Variants in CSNK1G1 observed in about 807,000 individuals in gnomAD.
The protein encoded by CSNK1G1 is casein kinase 1 gamma 1, also known as casein kinase I isoform gamma-1.
CSNK1G1 carries 22 observed loss-of-function variants against 59.6 expected under a neutral mutation model. The observed-to-expected ratio is 0.37, with a 90% CI of 0.26 to 0.53. The LOEUF (loss-of-function observed/expected upper bound fraction) is 0.53, where lower values mean the gene tolerates loss of function less well. Ranked by LOEUF, CSNK1G1 falls within the 20% of genes least tolerant of loss-of-function variation. CSNK1G1 has a pLI of 0.89. For missense variants in CSNK1G1, 384 were observed against 519.5 expected (o/e 0.74, Z 2.54); for synonymous variants, 179 against 177.1 (o/e 1.01, Z -0.08).
intron 1 of CSNK1G1, among the ~76,000 whole-genome samples, chr15:64,336,050 T>G (rs779168068): frequency 6.6e-6 from 1 of 152,216 alleles, no homozygotes; most frequent in Non-Finnish European, 1.5e-5. Flanking sequence ...TATATCCATC[T>G]ATCGATTTAT....
intron 1 of CSNK1G1, among the ~76,000 whole-genome samples, chr15:64,311,922 GA>G (rs1199700609): frequency 1.3e-5 from 2 of 152,018 alleles, no homozygotes; most frequent in Non-Finnish European, 2.9e-5. Flanking sequence ...AAAGTCTCAG[GA>G]TACAAAGTCA....
chr15:64,201,741 TG>T (rs879279062), intron 10 of CSNK1G1, among the ~76,000 whole-genome samples: 6,052 of 148,584 alleles, frequency 0.041, 342 homozygotes, highest in African/African-American at 0.14. Flanking sequence ...TGTGTGTGTG[TG>T]TGTGTGTGTT....
At chr15:64,258,257 T>C (rs1596172013) in intron 3 of CSNK1G1, among the ~76,000 whole-genome samples, 1 of 152,048 alleles carries the variant, frequency 6.6e-6, no homozygotes, top group Non-Finnish European at 1.5e-5. Context: ...ATGTAGTCTG[T>C]AGTCCCACCT....
chr15:64,229,939 T>TTTTTTTA lies in CSNK1G1; in HGVS notation c.293-13227_293-13226insTAAAAAA, dbSNP rs768405168. 4.9e-5 allele frequency among the ~76,000 whole-genome samples: 6 copies of TTTTTTTA among 121,502 alleles called. 1 individual carries two copies. Among genetic ancestry groups the TTTTTTTA allele is most frequent in the Admixed American group, 1.8e-4 (2 of 11,348 alleles). The allele number at this position is 121,502 out of a possible 152,430, so 79.7% of individuals were successfully genotyped here. On this transcript the variant is annotated intron_variant, in intron 4 of 11. Transcript: ENST00000303052. Reference sequence around the variant, plus strand: ...TTTTTTTTTTTTTTTTTTTTTTTTTTAAGACAGAATCTCACTCTGTCGCCC... The same window carrying TTTTTTTA: ...TTTTTTTTTTTTTTTTTTTTTTTTTTTTTTTTAAAGACAGAATCTCACTCTGTCGCCC...
chr15:64,229,391 C>T (rs1352422185), intron 4 of CSNK1G1, among the ~76,000 whole-genome samples: 1 of 152,222 alleles, frequency 6.6e-6, no homozygotes. Flanking sequence ...AGCCCAATTA[C>T]TCAGAATACT....
intron 4 of CSNK1G1, among the ~76,000 whole-genome samples, chr15:64,248,399 G>C (rs534612981): frequency 6.6e-6 from 1 of 151,962 alleles, no homozygotes; most frequent in South Asian, 2.1e-4. Context: ...ATCTAAAAAG[G>C]CAAGCTTATT....
chr15:64,213,186 G>C lies in CSNK1G1; in HGVS notation c.679+704C>G, dbSNP rs367837661. ...CACCTAGGAGTCTTTTCTTCAAATAGAATCTTCCATGGAAGCCCAATATAT... is the reference window on the plus strand; with the variant it reads ...CACCTAGGAGTCTTTTCTTCAAATACAATCTTCCATGGAAGCCCAATATAT... On this transcript the variant is annotated intron_variant, in intron 6 of 11. Transcript: ENST00000303052. Among the ~76,000 whole-genome samples, 55 of 151,852 alleles carry C rather than the reference G, an allele frequency of 3.6e-4. No individual in the cohort carries two copies. The East Asian group carries it at 0.011, about 29-fold the overall frequency.
At chr15:64,349,444 G>A (rs533814355) in intron 1 of CSNK1G1, among the ~76,000 whole-genome samples, 1 of 152,230 alleles carries the variant, frequency 6.6e-6, no homozygotes, top group Non-Finnish European at 1.5e-5. Context: ...AATGTGATGG[G>A]TGAGAAATTA....
At chr15:64,227,172 G>T (rs1001351772) in intron 4 of CSNK1G1, among the ~76,000 whole-genome samples, 1 of 152,202 alleles carries the variant, frequency 6.6e-6, no homozygotes, top group African/African-American at 2.4e-5. Flanking sequence ...AATACATACA[G>T]AGCAAAGCAA....
chr15:64,206,790 A>C (rs2082188269), intron 7 of CSNK1G1, among the ~76,000 whole-genome samples: 1 of 152,178 alleles, frequency 6.6e-6, no homozygotes, highest in Admixed American at 6.5e-5. Flanking sequence ...CACATTTTGC[A>C]ATGAATAGAT....
At chr15:64,256,539 T>C (rs994850050) in intron 3 of CSNK1G1, among the ~76,000 whole-genome samples, 2 of 152,194 alleles carry the variant, frequency 1.3e-5, no homozygotes, top group African/African-American at 4.8e-5. Context: ...TCAAGGTGCT[T>C]TTCTGGAAGC....
intron 10 of CSNK1G1, among the ~76,000 whole-genome samples, chr15:64,199,266 A>G (rs369025893): frequency 1.0e-4 from 15 of 149,022 alleles, no homozygotes; most frequent in East Asian, 1.9e-4. Context: ...AAAAAAAAAA[A>G]AAAAAAGAAA....
intron 1 of CSNK1G1, among the ~76,000 whole-genome samples, chr15:64,335,456 A>C (rs952159399): frequency 5.3e-5 from 8 of 152,056 alleles, no homozygotes; most frequent in African/African-American, 1.4e-4. Context: ...CTTTGGTAAC[A>C]AAGTCAGTCA....
chr15:64,210,168 G>A lies in CSNK1G1; in HGVS notation c.680-2574C>T, dbSNP rs1405549028. 6.6e-6 allele frequency among the ~76,000 whole-genome samples: 1 copy of A among 152,068 alleles called. No homozygotes were observed. Among genetic ancestry groups the A allele is most frequent in the East Asian group, 1.9e-4 (1 of 5,184 alleles). ...GTACCTAAATCAGCTCAACGATTTA[G>A]GTATCTAGATCTTGGTTTATCCTTT... On this transcript the variant is annotated intron_variant, in intron 6 of 11. Transcript: ENST00000303052. This position sits in a 1 kb window ranked among gnomAD's most constrained non-coding sequence, Gnocchi z 4.2.
At chr15:64,309,948 AAC>A (rs1895902216) in intron 1 of CSNK1G1, among the ~76,000 whole-genome samples, 1 of 94,034 alleles carries the variant, frequency 1.1e-5, no homozygotes, top group Non-Finnish European at 2.4e-5. Context: ...CATCTCTACA[AAC>A]AGACTTTTTT....
At chr15:64,220,491 G>C (rs961733145) in intron 4 of CSNK1G1, among the ~76,000 whole-genome samples, 1 of 150,362 alleles carries the variant, frequency 6.7e-6, no homozygotes, top group African/African-American at 2.5e-5. Flanking sequence ...GCAGAAATGA[G>C]TGTATAACTC....
chr15:64,300,206 T>A, intron 2 of CSNK1G1, 113 bp downstream of exon 2: 1 of 947,528 alleles, frequency 1.1e-6, no homozygotes, highest in Non-Finnish European at 1.6e-6. Context: ...TAACAACAGG[T>A]TCTCCTTAAG....
In CSNK1G1 at chr15:64,169,497, T is replaced by A. The variant is rs899977153; in HGVS notation, c.*2434A>T. 1 of 152,232 alleles carries A rather than the reference T, an allele frequency of 6.6e-6. No individual in the cohort carries two copies. The highest frequency in any genetic ancestry group is 1.5e-5 in the Non-Finnish European group (1 of 68,216). 9.4% of individuals were successfully genotyped at this position (152,232 alleles called of 1,614,324 possible). A position where few individuals can be genotyped will look rare whatever the true frequency, so the allele number is the denominator to read the frequency against. On this transcript the variant is annotated 3_prime_UTR_variant, in exon 12 of 12. Coordinates refer to ENST00000303052, the MANE Select transcript of CSNK1G1 (RefSeq NM_022048.5). ...ATCCACTTGCCTTGGCCTCCCAAAC[T>A]GCTGGGATTACAGGCGTGAGCCACT...
intron 1 of CSNK1G1, among the ~76,000 whole-genome samples, chr15:64,343,779 T>C (rs893738730): frequency 2.1e-4 from 32 of 151,028 alleles, no homozygotes; most frequent in African/African-American, 7.5e-4. Flanking sequence ...GCTGAAGATA[T>C]AGACTATATC....
Sources: gnomAD v4.1 joint callset for allele counts (sites outside exome capture counted in the v4.1 genomes callset) on GRCh38, gnomAD v4.1.1 for gene constraint, Gnocchi (gnomAD v3.1) non-coding constraint, MANE v1.5 for transcripts, NCBI Gene and HGNC (gene_info 2026-07-23, HGNC 2026-07-21) for gene names.